ZNF235: variants seen among roughly 807,000 people sequenced by gnomAD.
ZNF235 encodes zfp-93.
ZNF235 carries 25 observed loss-of-function variants against 29.4 expected under a neutral mutation model. The observed-to-expected ratio is 0.85, with a 90% confidence interval of 0.62 to 1.19. The LOEUF (loss-of-function observed/expected upper bound fraction) is 1.19. Among genes scored for constraint, ZNF235 ranks in the 50% most tolerant of loss-of-function variants. The pLI, the probability that ZNF235 is intolerant of heterozygous loss-of-function variation, is 0.00. For synonymous variants in ZNF235, 300 were observed against 295.3 expected (o/e 1.02, Z -0.16); for missense variants, 788 against 885.0 (o/e 0.89, Z 1.39).
rs1048240870 is a variant in ZNF235 at position 44,304,923 on chromosome 19, T to C, written c.-49+48A>G. 5.1e-6 allele frequency: 5 copies of C among 985,466 alleles called. No homozygotes were observed. In the South Asian group the frequency reaches 1.4e-4, roughly 28 times the overall value. 61.0% of individuals were successfully genotyped at this position (985,466 alleles called of 1,614,324 possible). Reference sequence around the variant, plus strand: ...ACGGGTTCATTGCTGGCCCCACGCCTAGGCAAAGAGGGCTCGGAGAAGTCT... The same window carrying C: ...ACGGGTTCATTGCTGGCCCCACGCCCAGGCAAAGAGGGCTCGGAGAAGTCT... On this transcript the variant is annotated intron_variant, in intron 1 of 4. Transcript: ENST00000291182.
intron 4 of ZNF235, among the ~76,000 whole-genome samples, chr19:44,291,801 T>C (rs896055537): frequency 3.9e-5 from 6 of 152,214 alleles, no homozygotes; most frequent in Admixed American, 3.3e-4. Context: ...TAGGGCTTCA[T>C]CCATGAATTT....
At chr19:44,297,070 A>AAAGT (rs1160846446) in intron 4 of ZNF235, 1 of 152,254 alleles carries the variant, frequency 6.6e-6, no homozygotes, top group Non-Finnish European at 1.5e-5. Context: ...GGAAATGAAA[A>AAAGT]AAGTAACAAG....
At chr19:44,292,639 G>A (rs2123095653) in intron 4 of ZNF235, among the ~76,000 whole-genome samples, 1 of 151,794 alleles carries the variant, frequency 6.6e-6, no homozygotes, top group East Asian at 1.9e-4. Flanking sequence ...TATTCCTGAG[G>A]GAGAAGAAAA....
intron 2 of ZNF235, among the ~76,000 whole-genome samples, chr19:44,301,902 C>T (rs1975743137): frequency 6.6e-6 from 1 of 152,220 alleles, no homozygotes; most frequent in East Asian, 1.9e-4. Flanking sequence ...AGGCCATCTA[C>T]ATCCTCACAA....
At chr19:44,297,133 G>A (rs1226339788) in intron 4 of ZNF235, 1 of 157,494 alleles carries the variant, frequency 6.3e-6, no homozygotes, top group African/African-American at 2.4e-5. Context: ...CCTTCTTCAG[G>A]AATGCCTGGG....
In ZNF235 at chr19:44,288,965, C is replaced by G. The variant is rs761836496; in HGVS notation, c.470G>C (p.Cys157Ser). ...ESIQASVDDN[C>S]LVNHIGDHSS... ...ATGATCCCCTATGTGATTCACTAGA[C>G]AGTTGTCATCCACAGAAGCTTGAAT... The change falls in exon 5 of 5, where the codon TGT becomes TCT. Residue 157 changes from cysteine to serine, a missense_variant. Physicochemically the swap from Cys to Ser is moderately radical, Grantham distance 112. Transcript: ENST00000291182. The G allele has an allele frequency of 6.8e-6, 11 of 1,613,878 alleles. No homozygotes were observed. In the Admixed American group the frequency reaches 1.8e-4, roughly 27 times the overall value.
chr19:44,289,459 C>T (rs1288418782), intron 4 of ZNF235: 1 of 360,460 alleles, frequency 2.8e-6, no homozygotes, highest in Non-Finnish European at 5.0e-6. Context: ...GAGTATGAGT[C>T]TTGCTGCCTG....
chr19:44,288,419 C>T lies in ZNF235; in HGVS notation c.1016G>A (p.Arg339Lys), dbSNP rs766957142. 1 of 1,614,096 alleles carries T rather than the reference C, an allele frequency of 6.2e-7. No individual in the cohort carries two copies. The highest frequency in any genetic ancestry group is 1.1e-5 in the South Asian group (1 of 91,090). Reference sequence around the variant, plus strand: ...ATAGGGTTTCTCCCCTGTGTGGACTCTCTGATGAGTTTGCAGATTTGAGCT... The same window carrying T: ...ATAGGGTTTCTCCCCTGTGTGGACTTTCTGATGAGTTTGCAGATTTGAGCT... ...SQSSNLQTHQRVHTGEKPYTC... is the reference protein window; with the variant it reads ...SQSSNLQTHQKVHTGEKPYTC... The change falls in exon 5 of 5, where the codon AGA becomes AAA. Residue 339 changes from arginine to lysine, a missense_variant. Coordinates refer to ENST00000291182, the MANE Select transcript of ZNF235 (RefSeq NM_004234.4).
chr19:44,286,593 T>C lies in ZNF235; in HGVS notation c.*625A>G, dbSNP rs539964165. 2 of 152,396 alleles carry C rather than the reference T, an allele frequency of 1.3e-5. No individual in the cohort carries two copies. Among genetic ancestry groups the C allele is most frequent in the South Asian group, 2.1e-4 (1 of 4,828 alleles). The allele number at this position is 152,396 out of a possible 1,614,324, so 9.4% of individuals were successfully genotyped here. ...AGCCATTCATGTCTTTTTTCCAAATTTGTGTTAGTATGGATGGCAGTATTA... is the reference window on the plus strand; with the variant it reads ...AGCCATTCATGTCTTTTTTCCAAATCTGTGTTAGTATGGATGGCAGTATTA... On this transcript the variant is annotated 3_prime_UTR_variant, in exon 5 of 5. Transcript: ENST00000291182.
rs138953071 is a variant in ZNF235, at chr19:44,302,207, T to A, written c.15+1183A>T. On this transcript the variant is annotated intron_variant, in intron 2 of 4. Transcript: ENST00000291182. ...TCTAAAACTTTAAAGATTAAAAAAA[T>A]GGTAGAATTCTCAGAATCCTTATTT... Among the ~76,000 whole-genome samples the A allele has an allele frequency of 3.2e-3, 488 of 152,256 alleles. 1 individual carries two copies. Among genetic ancestry groups the A allele is most frequent in the African/African-American group, 0.011 (474 of 41,556 alleles).
In ZNF235 at chr19:44,290,696, T is replaced by C. The variant is rs148254704; in HGVS notation, c.239-1500A>G. ...ATATTGAAAGGACAAAGCCCACAAA[T>C]GCTATCTGCTGATAAGCATCAACCA... On this transcript the variant is annotated intron_variant, in intron 4 of 4. Transcript: ENST00000291182. 2.2e-4 allele frequency: 37 copies of C among 165,660 alleles called. No individual in the cohort carries two copies. In the East Asian group the frequency reaches 4.6e-3, roughly 20 times the overall value. 10.3% of individuals were successfully genotyped at this position (165,660 alleles called of 1,614,324 possible).
chr19:44,302,132 C>G (rs1420537291), intron 2 of ZNF235, among the ~76,000 whole-genome samples: 2 of 152,146 alleles, frequency 1.3e-5, no homozygotes, highest in Non-Finnish European at 2.9e-5. Flanking sequence ...CTGCACTAAG[C>G]TATACTTTAT....
At chr19:44,293,256 T>C (rs1223501466) in intron 4 of ZNF235, among the ~76,000 whole-genome samples, 1 of 151,738 alleles carries the variant, frequency 6.6e-6, no homozygotes, top group Non-Finnish European at 1.5e-5. Context: ...TCCATGCAAA[T>C]GGAAACCAGA....
At position 44,304,977 on chromosome 19, in the gene ZNF235, G is replaced by C; in HGVS notation, c.-55C>G. The C allele has an allele frequency of 2.0e-6, 2 of 980,904 alleles. No homozygotes were observed. Among genetic ancestry groups the C allele is most frequent in the Non-Finnish European group, 2.4e-6 (2 of 825,816 alleles). The allele number at this position is 980,904 out of a possible 1,614,324, so 60.8% of individuals were successfully genotyped here. On this transcript the variant is annotated 5_prime_UTR_variant, in exon 1 of 5. Transcript: ENST00000291182. Reference sequence around the variant, plus strand: ...AGACCCGGAGCTGACTCACCTCCCTGGGAGATATCTCAGATCCGACCTCGC... The same window carrying C: ...AGACCCGGAGCTGACTCACCTCCCTCGGAGATATCTCAGATCCGACCTCGC...
In ZNF235 at chr19:44,287,844, G is replaced by C. The variant is rs1239736725; in HGVS notation, c.1591C>G (p.Gln531Glu). The C allele has an allele frequency of 1.2e-6, 2 of 1,613,818 alleles. No individual in the cohort carries two copies. Among genetic ancestry groups the C allele is most frequent in the Non-Finnish European group, 1.7e-6 (2 of 1,179,984 alleles). ...GKGFSQSSYF[Q>E]AHQRVHTGEK... is the part of the protein sequence containing the mutation. ...CCAGTGTGGACTCTCTGATGTGCTTGAAAGTATGAACTCTGACTGAAGCCT... is the reference window on the plus strand; with the variant it reads ...CCAGTGTGGACTCTCTGATGTGCTTCAAAGTATGAACTCTGACTGAAGCCT... The change falls in exon 5 of 5, where the codon CAA (glutamine) becomes GAA (glutamate). Residue 531 changes from glutamine (Q) to glutamate (E), a missense_variant. Transcript: ENST00000291182.
intron 3 of ZNF235, among the ~76,000 whole-genome samples, 190 bp from the exon 4 acceptor site, chr19:44,299,093 T>C (rs920860369): frequency 6.6e-5 from 10 of 152,208 alleles, no homozygotes; most frequent in East Asian, 5.8e-4. Flanking sequence ...GTGTAAACTA[T>C]TGAAATAAAA....
At position 44,305,002 on chromosome 19, in the gene ZNF235, C is replaced by A. The variant is rs1029824199; in HGVS notation, c.-80G>T. On this transcript the variant is annotated 5_prime_UTR_variant, in exon 1 of 5. Transcript: ENST00000291182. ...GGGAGATATCTCAGATCCGACCTCG[C>A]CTTCCTGGAGCGGAAGTGCCTCCGA... 6.3e-6 allele frequency: 6 copies of A among 959,984 alleles called. No individual in the cohort carries two copies. The highest frequency in any genetic ancestry group is 5.0e-6 in the Non-Finnish European group (4 of 806,716). The allele number at this position is 959,984 out of a possible 1,614,324, so 59.5% of individuals were successfully genotyped here.
intron 4 of ZNF235, 45 bp from the exon 5 acceptor site, chr19:44,289,241 C>T: frequency 6.6e-7 from 1 of 1,509,682 alleles, no homozygotes; most frequent in Non-Finnish European, 8.9e-7. Flanking sequence ...AAGAGACTGA[C>T]ATTAGCAAAG....
At position 44,303,417 on chromosome 19, in the gene ZNF235, C is replaced by G; in HGVS notation, c.-13G>C. 1 of 1,610,504 alleles carries G rather than the reference C, an allele frequency of 6.2e-7. No homozygotes were observed. Among genetic ancestry groups the G allele is most frequent in the South Asian group, 1.1e-5 (1 of 90,804 alleles). ...GGAACTTGGTCATTTTTCCCCTCCT[C>G]CTTCTGGGAAAAGGCAGAGTTCCGG... is the stretch of plus-strand genomic sequence containing the variant. On this transcript the variant is annotated 5_prime_UTR_variant, in exon 2 of 5. Transcript: ENST00000291182.
Sources: allele counts gnomAD v4.1 joint callset (sites outside exome capture counted in the v4.1 genomes callset), GRCh38; gene constraint gnomAD v4.1.1; transcripts MANE v1.5; gene names NCBI Gene and HGNC (gene_info 2026-07-23, HGNC 2026-07-21).